The following NDUFAF7 variants were observed in gnomAD, a reference collection of about 807,000 sequenced individuals.
NDUFAF7 encodes the protein NADH:ubiquinone oxidoreductase complex assembly factor 7, also known as protein arginine methyltransferase NDUFAF7, mitochondrial.
NDUFAF7 carries 48 observed loss-of-function variants against 47.2 expected under a neutral mutation model. The ratio of observed to expected loss-of-function variants is 1.02; its 90% CI spans 0.81 to 1.29. The LOEUF (loss-of-function observed/expected upper bound fraction) is 1.29, where lower values mean the gene tolerates loss of function less well. Among genes scored for constraint, NDUFAF7 ranks in the 50% most tolerant of loss-of-function variants. The pLI is 0.00. For missense variants in NDUFAF7, 635 were observed against 537.6 expected (o/e 1.18, Z -1.79); for synonymous variants, 217 against 190.0 (o/e 1.14, Z -1.17).
In NDUFAF7 at chr2:37,232,117, A is replaced by G. The variant is rs752547992; in HGVS notation, c.67A>G (p.Ile23Val). 65 of 1,614,026 alleles carry G rather than the reference A, an allele frequency of 4.0e-5. No homozygotes were observed. The highest frequency in any genetic ancestry group is 5.1e-5 in the Non-Finnish European group (60 of 1,180,016). ...TGTGTTTTTCGCAGCCATTCCTTTT[A>G]TTTGGAGAGGGAAATACTTCAGCTC... is the stretch of plus-strand genomic sequence containing the variant. ...CAVARAAIPF[I>V]WRGKYFSSGN... is the part of the protein sequence containing the mutation. The change falls in exon 2 of 10, where the codon ATT (isoleucine) becomes GTT (valine). Residue 23 changes from isoleucine (I) to valine (V), a missense_variant. Transcript: ENST00000002125.
At chr2:37,269,601 C>A in the NDUFAF7 span, 28 of 1,596,992 alleles carry the variant, frequency 1.8e-5, no homozygotes, top group Non-Finnish European at 2.4e-5. Flanking sequence ...ATGCAAACGG[C>A]TGTAGTTGCT....
chr2:37,249,596 CACACACAG>C (rs1439222130), downstream of NDUFAF7, among the ~76,000 whole-genome samples: 3 of 103,556 alleles, frequency 2.9e-5, no homozygotes, highest in South Asian at 3.1e-4. Context: ...CACACACACA[CACACACAG>C]AGGGGAGATC....
At chr2:37,264,333 G>A in the NDUFAF7 span, among the ~76,000 whole-genome samples, 476 of 152,164 alleles carry the variant, frequency 3.1e-3, 1 homozygote, top group Middle Eastern at 0.02. Flanking sequence ...AGAATTTGCC[G>A]TGTACCCAGT....
the NDUFAF7 span, among the ~76,000 whole-genome samples, chr2:37,259,139 G>A: frequency 6.6e-6 from 1 of 152,174 alleles, no homozygotes; most frequent in Non-Finnish European, 1.5e-5. Flanking sequence ...TTGTGTGTAT[G>A]TGTGGTGATG....
the NDUFAF7 span, among the ~76,000 whole-genome samples, chr2:37,263,397 C>T: frequency 2.0e-5 from 3 of 152,084 alleles, no homozygotes; most frequent in African/African-American, 7.2e-5. Flanking sequence ...ATGAGGCATT[C>T]TTTGTTTTTA....
At chr2:37,262,951 C>G in the NDUFAF7 span, among the ~76,000 whole-genome samples, 1 of 147,250 alleles carries the variant, frequency 6.8e-6, no homozygotes, top group Non-Finnish European at 1.5e-5. Flanking sequence ...TTCTTCTTTG[C>G]TTAGGATGGC....
chr2:37,250,463 A>G (rs1667397817), downstream of NDUFAF7: 1 of 152,186 alleles, frequency 6.6e-6, no homozygotes, highest in Non-Finnish European at 1.5e-5. Flanking sequence ...AAAAAGTTAT[A>G]CTTTACAAGA....
the NDUFAF7 span, among the ~76,000 whole-genome samples, chr2:37,261,619 A>G: frequency 6.6e-6 from 1 of 151,778 alleles, no homozygotes. Flanking sequence ...AGTCTCTACT[A>G]AAAATACAAA....
rs535284205 is a variant in NDUFAF7, at chr2:37,246,125, T to C, written c.866T>C (p.Ile289Thr). The C allele has an allele frequency of 4.5e-5, 73 of 1,613,962 alleles. 1 individual carries two copies. In the South Asian group the frequency reaches 7.0e-4, roughly 16 times the overall value. The change falls in exon 8 of 10, where the codon ATT (isoleucine) becomes ACT (threonine). Residue 289 changes from isoleucine (I) to threonine (T), a missense_variant. Coordinates refer to ENST00000002125, the MANE Select transcript of NDUFAF7 (RefSeq NM_144736.5). ...ATCATCGAGGAACTTTCTCAACGCA[T>C]TGCATTAACTGGAGGTGCTGCACTG... Reference protein sequence around the residue: ...GVIIEELSQRIALTGGAALVA... With the variant: ...GVIIEELSQRTALTGGAALVA...
Position 37,248,306 on chromosome 2 carries a change from T to G in NDUFAF7, c.1282T>G (p.Phe428Val), listed in dbSNP as rs1477636450. 2 of 1,614,168 alleles carry G rather than the reference T, an allele frequency of 1.2e-6. No individual in the cohort carries two copies. The highest frequency in any genetic ancestry group is 1.7e-6 in the Non-Finnish European group (2 of 1,180,008). ...GAGGAATGCACGTCAGTCAAAACCC[T>G]TTGCATCCGTTGTAGCTGGGTTTAG... ...YQRNARQSKP[F>V]ASVVAGFSEL... The change falls in exon 10 of 10, where the codon TTT becomes GTT. Residue 428 changes from phenylalanine to valine, a missense_variant. Coordinates refer to ENST00000002125, the MANE Select transcript of NDUFAF7 (RefSeq NM_144736.5).
chr2:37,259,744 C>A, the NDUFAF7 span: 1 of 1,123,120 alleles, frequency 8.9e-7, no homozygotes, highest in East Asian at 2.4e-5. Context: ...TCATGTGACT[C>A]CTTGAATGAT....
chr2:37,268,240 CG>C, the NDUFAF7 span: 1 of 456,992 alleles, frequency 2.2e-6, no homozygotes, highest in Non-Finnish European at 4.5e-6. Context: ...ATGGCACAAT[CG>C]TAAGTCTACT....
chr2:37,253,471 A>T (rs1667679819), downstream of NDUFAF7: 1 of 742,026 alleles, frequency 1.3e-6, no homozygotes, highest in Non-Finnish European at 2.1e-6. Flanking sequence ...GACAGGCGCT[A>T]CTCATAAGTA....
chr2:37,242,769 T>C, intron 6 of NDUFAF7, 76 bp downstream of exon 6: 2 of 1,173,118 alleles, frequency 1.7e-6, no homozygotes, highest in South Asian at 2.6e-5. Flanking sequence ...ATGGTATTTA[T>C]TCAGTATACA....
chr2:37,246,021 A>C, intron 7 of NDUFAF7, 31 bp from the exon 8 acceptor site: 2 of 1,612,152 alleles, frequency 1.2e-6, no homozygotes, highest in Non-Finnish European at 1.7e-6. Flanking sequence ...TGAATGATGC[A>C]TTTTGACTCT....
chr2:37,257,338 A>G (rs893933190), downstream of NDUFAF7, among the ~76,000 whole-genome samples: 2 of 152,120 alleles, frequency 1.3e-5, no homozygotes, highest in Non-Finnish European at 2.9e-5. Context: ...GCCTGGACAC[A>G]TAAAGGTACT....
the NDUFAF7 span, chr2:37,268,139 C>G: frequency 2.9e-6 from 1 of 347,938 alleles, no homozygotes; most frequent in African/African-American, 2.2e-5. Flanking sequence ...GTGAAAATGA[C>G]AGGTATATTT....
rs550583135 is a variant in NDUFAF7 at position 37,243,462 on chromosome 2, T to A, written c.682-401T>A. Among the ~76,000 whole-genome samples the A allele has an allele frequency of 4.5e-4, 69 of 152,044 alleles. No individual in the cohort carries two copies. In the South Asian group the frequency reaches 0.014, roughly 31 times the overall value. On this transcript the variant is annotated intron_variant, in intron 6 of 9. Transcript: ENST00000002125. ...GCGAGAGCTTGTCTCAAAAAAAAAA[T>A]AATAAAACTTTTCTTCATTCTTTCT...
At position 37,248,314 on chromosome 2, in the gene NDUFAF7, C is replaced by T. The variant is rs549258651; in HGVS notation, c.1290C>T (p.Ser430=). Residue 430 remains serine, a synonymous_variant, in exon 10 of 10, where the codon TCC becomes TCT. Transcript: ENST00000002125. The part of the protein sequence containing the change: ...RNARQSKPFA[S]VVAGFSELAW... ...CACGTCAGTCAAAACCCTTTGCATC[C>T]GTTGTAGCTGGGTTTAGTGAACTTG... is the stretch of plus-strand genomic sequence containing the variant. 9.7e-5 allele frequency: 157 copies of T among 1,614,080 alleles called. No homozygotes were observed. Among genetic ancestry groups the T allele is most frequent in the South Asian group, 2.4e-4 (22 of 91,080 alleles).
Sources: allele counts gnomAD v4.1 joint callset (sites outside exome capture counted in the v4.1 genomes callset), GRCh38; gene constraint gnomAD v4.1.1; transcripts MANE v1.5; gene names NCBI Gene and HGNC (gene_info 2026-07-23, HGNC 2026-07-21).